The following PTPRK variants were observed in gnomAD, a reference collection of about 807,000 sequenced individuals.
The protein encoded by PTPRK is protein tyrosine phosphatase receptor type K, also known as receptor-type tyrosine-protein phosphatase kappa.
A neutral mutation model predicts 178.0 loss-of-function variants in PTPRK; 75 were observed. The observed-to-expected ratio is 0.42, with a 90% CI of 0.35 to 0.51. The LOEUF (loss-of-function observed/expected upper bound fraction) is 0.51. Ranked by LOEUF, PTPRK falls within the 20% of genes least tolerant of loss-of-function variation. PTPRK has a pLI of 0.02. For synonymous variants in PTPRK, 637 were observed against 620.6 expected, an observed-to-expected ratio of 1.03 and a Z score of -0.39; for missense variants, 1,441 against 1,797.8, an observed-to-expected ratio of 0.80 and a Z score of 3.59.
At chr6:128,458,623 CTG>C (rs1037803039) in intron 1 of PTPRK, among the ~76,000 whole-genome samples, 5 of 152,170 alleles carry the variant, frequency 3.3e-5, no homozygotes, top group African/African-American at 4.8e-5. Context: ...AAAATGGCAA[CTG>C]TGTGGTGAAC....
At chr6:128,116,529 G>C (rs1382271481) in intron 7 of PTPRK, among the ~76,000 whole-genome samples, 1 of 152,160 alleles carries the variant, frequency 6.6e-6, no homozygotes, top group Non-Finnish European at 1.5e-5. Context: ...ATAAGACATG[G>C]TGCAACCAAA....
At chr6:128,361,448 A>C (rs1346994396) in intron 2 of PTPRK, among the ~76,000 whole-genome samples, 1 of 152,220 alleles carries the variant, frequency 6.6e-6, no homozygotes, top group Non-Finnish European at 1.5e-5. Context: ...TATAAATTTC[A>C]GTTAATACAA....
chr6:128,023,293 A>G (rs115676048), intron 13 of PTPRK, among the ~76,000 whole-genome samples: 3,806 of 152,256 alleles, frequency 0.025, 159 homozygotes, highest in African/African-American at 0.085. Flanking sequence ...AAGTTACAAG[A>G]ATCAGGTGAA....
At chr6:128,477,494 A>G (rs1008765490) in intron 1 of PTPRK, among the ~76,000 whole-genome samples, 1 of 152,116 alleles carries the variant, frequency 6.6e-6, no homozygotes, top group Non-Finnish European at 1.5e-5. Flanking sequence ...TATTATAGCT[A>G]GGCAAGAGAT....
intron 5 of PTPRK, among the ~76,000 whole-genome samples, chr6:128,227,320 G>A (rs1363920083): frequency 6.6e-6 from 1 of 152,168 alleles, no homozygotes; most frequent in Non-Finnish European, 1.5e-5. Flanking sequence ...CAAATGCAAT[G>A]AAACCACCAG....
chr6:128,135,005 C>A (rs1794803713), intron 7 of PTPRK, among the ~76,000 whole-genome samples: 1 of 151,738 alleles, frequency 6.6e-6, no homozygotes, highest in Non-Finnish European at 1.5e-5. Flanking sequence ...GCAAGAATTT[C>A]CGGCACGCCC....
chr6:128,474,414 C>G (rs1851115767), intron 1 of PTPRK, among the ~76,000 whole-genome samples: 1 of 151,970 alleles, frequency 6.6e-6, no homozygotes, highest in South Asian at 2.1e-4. Context: ...CCTAACTCAC[C>G]TGATCCTAGG....
At chr6:128,503,849 T>A (rs1268852423) in intron 1 of PTPRK, among the ~76,000 whole-genome samples, 1 of 92,170 alleles carries the variant, frequency 1.1e-5, no homozygotes, top group Non-Finnish European at 2.4e-5. Flanking sequence ...TTATTGTGTG[T>A]GTGTGTGTGT....
chr6:128,416,370 G>C (rs929807064), intron 1 of PTPRK, among the ~76,000 whole-genome samples: 1 of 151,600 alleles, frequency 6.6e-6, no homozygotes, highest in Non-Finnish European at 1.5e-5. Context: ...GGCCGGGCAC[G>C]GTGGCTCACA....
chr6:128,323,009 C>G (rs76890835), intron 2 of PTPRK, among the ~76,000 whole-genome samples: 2,040 of 152,216 alleles, frequency 0.013, 46 homozygotes, highest in African/African-American at 0.045. Flanking sequence ...CAGCTAATCA[C>G]CACTGCTACT....
intron 6 of PTPRK, among the ~76,000 whole-genome samples, chr6:128,210,899 T>C (rs934532982): frequency 6.6e-6 from 1 of 152,100 alleles, no homozygotes; most frequent in Admixed American, 6.6e-5. Context: ...TGTTGTTTAA[T>C]ACAAGGACAG....
At chr6:128,445,950 T>C (rs1293539181) in intron 1 of PTPRK, among the ~76,000 whole-genome samples, 1 of 152,122 alleles carries the variant, frequency 6.6e-6, no homozygotes, top group Non-Finnish European at 1.5e-5. Flanking sequence ...TTCCATCTTG[T>C]ATAGGTTAAG....
chr6:128,390,032 A>G (rs1163436051), intron 2 of PTPRK, among the ~76,000 whole-genome samples: 1 of 152,134 alleles, frequency 6.6e-6, no homozygotes, highest in Non-Finnish European at 1.5e-5. Flanking sequence ...TAAGCAACTC[A>G]AATGTGGCAA....
chr6:128,382,185 A>G (rs1249751976), intron 2 of PTPRK, among the ~76,000 whole-genome samples: 4 of 150,260 alleles, frequency 2.7e-5, no homozygotes, highest in African/African-American at 7.3e-5. Context: ...AAAAAAATCA[A>G]TTTCAATAAT....
chr6:128,518,843 C>T (rs1485578869), intron 1 of PTPRK: 2 of 365,676 alleles, frequency 5.5e-6, no homozygotes, highest in Admixed American at 7.5e-5. Flanking sequence ...CATGCTGCCA[C>T]CTGAATCTGT....
At chr6:128,440,170 G>GGAAC (rs1192429741) in intron 1 of PTPRK, among the ~76,000 whole-genome samples, 1 of 152,154 alleles carries the variant, frequency 6.6e-6, no homozygotes, top group African/African-American at 2.4e-5. Flanking sequence ...AGGGGGTTCT[G>GGAAC]GAACAAATCC....
At chr6:128,270,012 G>A (rs1819549156) in intron 3 of PTPRK, among the ~76,000 whole-genome samples, 1 of 152,030 alleles carries the variant, frequency 6.6e-6, no homozygotes, top group African/African-American at 2.4e-5. Context: ...TTTCCTTTCT[G>A]CTGATTGTAC....
At chr6:127,976,540 G>T in intron 27 of PTPRK, 117 bp downstream of exon 27, 1 of 1,220,498 alleles carries the variant, frequency 8.2e-7, no homozygotes, top group South Asian at 1.4e-5. Flanking sequence ...TAGCTTTGAG[G>T]TGGATGATAT....
intron 7 of PTPRK, among the ~76,000 whole-genome samples, chr6:128,142,732 A>C (rs1028138929): frequency 6.6e-6 from 1 of 152,046 alleles, no homozygotes; most frequent in Non-Finnish European, 1.5e-5. Flanking sequence ...TTTCAACAAA[A>C]ATAAAGATTA....
Sources: allele counts gnomAD v4.1 joint callset (sites outside exome capture counted in the v4.1 genomes callset), GRCh38; gene constraint gnomAD v4.1.1; transcripts MANE v1.5; gene names NCBI Gene and HGNC (gene_info 2026-07-23, HGNC 2026-07-21).